KLK1: variants seen among roughly 807,000 people sequenced by gnomAD.
KLK1 encodes kallikrein-1.
In KLK1, 22 loss-of-function variants were observed where a neutral mutation model predicts 23.3. The observed-to-expected ratio is 0.95, with a 90% confidence interval of 0.68 to 1.35. KLK1 has a LOEUF of 1.35. Among genes scored for constraint, KLK1 ranks in the 40% most tolerant of loss-of-function variants. KLK1 has a pLI of 0.00. For missense variants in KLK1, 301 were observed against 338.9 expected (o/e 0.89, Z 0.88); for synonymous variants, 140 against 135.8 (o/e 1.03, Z -0.21).
At position 50,821,834 on chromosome 19, in the gene KLK1, G is replaced by C; in HGVS notation, c.84C>G (p.Gly28=). ...GCTGGGAATGCTGCTCACACTCCCAGCCTCCCACAATCCGGGACTGAATCG... is the reference window on the plus strand; with the variant it reads ...GCTGGGAATGCTGCTCACACTCCCACCCTCCCACAATCCGGGACTGAATCG... ...APPIQSRIVG[G]WECEQHSQPW... is the part of the protein sequence containing the mutation. Residue 28 remains glycine (G), a synonymous_variant, in exon 2 of 5, where the codon GGC becomes GGG. Coordinates refer to ENST00000301420, the MANE Select transcript of KLK1 (RefSeq NM_002257.4). The surrounding 1 kb of genome is among the most constrained non-coding windows in gnomAD (Gnocchi z 5.6). The C allele has an allele frequency of 6.2e-7, 1 of 1,613,542 alleles. No individual in the cohort carries two copies. Among genetic ancestry groups the C allele is most frequent in the Non-Finnish European group, 8.5e-7 (1 of 1,179,746 alleles).
At chr19:50,820,496 T>TTG in intron 2 of KLK1, 53 bp from the exon 3 acceptor site, 3 of 207,658 alleles carry the variant, frequency 1.4e-5, no homozygotes, top group Admixed American at 5.6e-5. Flanking sequence ...GAAAAGGGGA[T>TTG]GGGGCAGGGG....
intron 1 of KLK1, chr19:50,822,168 C>T (rs1353660414): frequency 1.4e-5 from 15 of 1,045,420 alleles, no homozygotes; most frequent in African/African-American, 6.8e-5. Context: ...TGCATCTGGG[C>T]GTCAGGTCAT....
Position 50,821,715 on chromosome 19 carries a change from C to A in KLK1, c.203G>T (p.Ser68Ile), listed in dbSNP as rs755063571. Reference sequence around the variant, plus strand: ...CAGACCCCAGGCCCCTACTCACTCGCTGATGCAATGAGCAGCTGTGAGCAC... The same window carrying A: ...CAGACCCCAGGCCCCTACTCACTCGATGATGCAATGAGCAGCTGTGAGCAC... ...QWVLTAAHCI[S>I]DNYQLWLGRH... The change falls in exon 2 of 5, where the codon AGC (serine) becomes ATC (isoleucine). Residue 68 changes from serine (S) to isoleucine (I), a missense_variant. Transcript: ENST00000301420. The surrounding 1 kb of genome is among the most constrained non-coding windows in gnomAD (Gnocchi z 5.6). The A allele has an allele frequency of 4.4e-6, 7 of 1,607,594 alleles. No individual in the cohort carries two copies. The East Asian group carries it at 1.6e-4, about 36-fold the overall frequency.
intron 2 of KLK1, 52 bp from the exon 3 acceptor site, chr19:50,820,495 A>ATGGGGAATTGGGGT: frequency 3.2e-6 from 1 of 308,344 alleles, no homozygotes. Flanking sequence ...GGAAAAGGGG[A>ATGGGGAATTGGGGT]TGGGGCAGGG....
At chr19:50,823,644 G>T in intron 1 of KLK1, 59 bp downstream of exon 1, 1 of 1,170,164 alleles carries the variant, frequency 8.5e-7, no homozygotes, top group Non-Finnish European at 1.3e-6. Context: ...GGGGGGGGAT[G>T]TGAGGCCAGC....
At chr19:50,822,373 T>G (rs912650447) in intron 1 of KLK1, 1 of 986,906 alleles carries the variant, frequency 1.0e-6, no homozygotes, top group African/African-American at 1.7e-5. Context: ...AGGATGCAGC[T>G]TTAGGGAACC....
chr19:50,820,903 G>A (rs1014666938), intron 2 of KLK1: 2 of 149,852 alleles, frequency 1.3e-5, no homozygotes, highest in African/African-American at 2.5e-5. Context: ...AGGAGTGACC[G>A]AGTGTGGGAG....
At chr19:50,819,793 A>C in intron 4 of KLK1, 106 bp downstream of exon 4, 1 of 1,141,180 alleles carries the variant, frequency 8.8e-7, no homozygotes, top group Non-Finnish European at 1.3e-6. Flanking sequence ...GGCTACAGCT[A>C]GCTGGGAAGC....
intron 1 of KLK1, chr19:50,822,418 A>C: frequency 1.0e-6 from 1 of 986,026 alleles, no homozygotes; most frequent in Non-Finnish European, 1.2e-6. Flanking sequence ...TCTGGACTGA[A>C]GAGTTTGGGG....
At chr19:50,823,572 G>A (rs764970779) in intron 1 of KLK1, 131 bp downstream of exon 1, 36 of 560,816 alleles carry the variant, frequency 6.4e-5, no homozygotes, top group Admixed American at 1.2e-4. Context: ...GGGGCACCCC[G>A]GACTAGGATA....
Position 50,821,962 on chromosome 19 carries a change from G to A in KLK1, c.47-91C>T. The A allele has an allele frequency of 1.3e-6, 2 of 1,494,906 alleles. No individual in the cohort carries two copies. The highest frequency in any genetic ancestry group is 8.9e-7 in the Non-Finnish European group (1 of 1,122,960). 92.6% of individuals were successfully genotyped at this position (1,494,906 alleles called of 1,614,324 possible). A position where few individuals can be genotyped will look rare whatever the true frequency, so the allele number is the denominator to read the frequency against. ...GAGGGAGCTGGGCTGTGGGTCTGAA[G>A]GGACATTGCGGGTAGAGGACCAGGG... On this transcript the variant is annotated intron_variant, in intron 1 of 4. Coordinates refer to ENST00000301420, the MANE Select transcript of KLK1 (RefSeq NM_002257.4). The surrounding 1 kb of genome is among the most constrained non-coding windows in gnomAD (Gnocchi z 5.6).
intron 2 of KLK1, chr19:50,820,984 G>A (rs1465299156): frequency 6.5e-6 from 1 of 152,794 alleles, no homozygotes; most frequent in African/African-American, 2.4e-5. Flanking sequence ...GGGAGGAGGG[G>A]AGGCCTGAGA....
rs547328916 is a variant in KLK1 at position 50,819,882 on chromosome 19, G to A, written c.633+17C>T. ...CTCCCTCAGCCCTTCCAGACCCTGG[G>A]GGCAGGGCTGCCTCACCACACAGGT... On this transcript the variant is annotated intron_variant, in intron 4 of 4. Coordinates refer to ENST00000301420, the MANE Select transcript of KLK1 (RefSeq NM_002257.4). The A allele has an allele frequency of 1.4e-4, 229 of 1,613,220 alleles. No individual in the cohort carries two copies. The highest frequency in any genetic ancestry group is 1.7e-4 in the Non-Finnish European group (204 of 1,179,508).
chr19:50,823,007 T>C, intron 1 of KLK1: 1 of 648,662 alleles, frequency 1.5e-6, no homozygotes, highest in Non-Finnish European at 1.9e-6. Context: ...GGGATGGAAC[T>C]TCCCCAAGGA....
At position 50,819,358 on chromosome 19, in the gene KLK1, A is replaced by G. The variant is rs901945590; in HGVS notation, c.634-9T>C. The G allele has an allele frequency of 1.2e-6, 2 of 1,602,994 alleles. No homozygotes were observed. The highest frequency in any genetic ancestry group is 1.1e-5 in the South Asian group (1 of 90,328). On this transcript the variant is annotated splice_polypyrimidine_tract_variant and intron_variant, in intron 4 of 4. Transcript: ENST00000301420. ...GGGCCCCCTGAATCACCCTGGGAGC[A>G]CAAGGTGGGAGGGGAGAGTGAGAAA...
In KLK1 at chr19:50,821,681, C is replaced by T. The variant is rs573756003; in HGVS notation, c.206+31G>A. On this transcript the variant is annotated intron_variant, in intron 2 of 4. Transcript: ENST00000301420. The surrounding 1 kb of genome is among the most constrained non-coding windows in gnomAD (Gnocchi z 5.6). ...TGTCAATCCTGTGGCAGCATAGATG[C>T]CCTCCTCCCAGACCCCAGGCCCCTA... 2.2e-5 allele frequency: 34 copies of T among 1,547,522 alleles called. No individual in the cohort carries two copies. The African/African-American group carries it at 3.1e-4, about 14-fold the overall frequency.
chr19:50,821,579 G>T lies in KLK1; in HGVS notation c.206+133C>A. On this transcript the variant is annotated intron_variant, in intron 2 of 4. Transcript: ENST00000301420. The surrounding 1 kb of genome is among the most constrained non-coding windows in gnomAD (Gnocchi z 5.6). ...CCAGCCCAGCTCTGCCCTGCCAGGC[G>T]ACCTGCGCCAGAGCCTTCCTCTCTG... 7.9e-7 allele frequency: 1 copy of T among 1,271,990 alleles called. No individual in the cohort carries two copies. Among genetic ancestry groups the T allele is most frequent in the Non-Finnish European group, 1.0e-6 (1 of 960,538 alleles). The allele number at this position is 1,271,990 out of a possible 1,614,324, so 78.8% of individuals were successfully genotyped here. A position where few individuals can be genotyped will look rare whatever the true frequency, so the allele number is the denominator to read the frequency against.
chr19:50,821,907 T>G lies in KLK1; in HGVS notation c.47-36A>C. 6.3e-7 allele frequency: 1 copy of G among 1,580,768 alleles called. No homozygotes were observed. Among genetic ancestry groups the G allele is most frequent in the Non-Finnish European group, 8.6e-7 (1 of 1,160,606 alleles). On this transcript the variant is annotated intron_variant, in intron 1 of 4. Transcript: ENST00000301420. The surrounding 1 kb of genome is among the most constrained non-coding windows in gnomAD (Gnocchi z 5.6). ...GGTGCTGGGTCAGGAAGGGCAGGGT[T>G]GGCAGGAGAGGCCAGGGACAAGGCT...
Position 50,819,890 on chromosome 19 carries a change from C to G in KLK1, c.633+9G>C. The G allele has an allele frequency of 2.5e-6, 4 of 1,613,620 alleles. No individual in the cohort carries two copies. The highest frequency in any genetic ancestry group is 2.5e-6 in the Non-Finnish European group (3 of 1,179,716). ...GCCCTTCCAGACCCTGGGGGCAGGGCTGCCTCACCACACAGGTGTCTTTGC... is the reference window on the plus strand; with the variant it reads ...GCCCTTCCAGACCCTGGGGGCAGGGGTGCCTCACCACACAGGTGTCTTTGC... On this transcript the variant is annotated intron_variant, in intron 4 of 4. Coordinates refer to ENST00000301420, the MANE Select transcript of KLK1 (RefSeq NM_002257.4).
Sources: gnomAD v4.1 joint callset for allele counts on GRCh38, gnomAD v4.1.1 for gene constraint, Gnocchi (gnomAD v3.1) non-coding constraint, MANE v1.5 for transcripts, NCBI Gene and HGNC (gene_info 2026-07-23, HGNC 2026-07-21) for gene names.